The following GLI3 variants were observed in gnomAD, a reference collection of about 807,000 sequenced individuals.
GLI3 encodes the protein transcription activator GLI3.
In GLI3, 20 loss-of-function variants were observed where a neutral mutation model predicts 100.8. That is an observed-to-expected ratio of 0.20 (90% CI 0.14 to 0.29). GLI3 has a LOEUF of 0.29. Among genes scored for constraint, GLI3 ranks in the 10% least tolerant of loss-of-function variants. The pLI, the probability that GLI3 is intolerant of heterozygous loss-of-function variation, is 1.00. For synonymous variants in GLI3, 938 were observed against 860.5 expected (o/e 1.09, Z -1.58); for missense variants, 2,040 against 2,128.5 (o/e 0.96, Z 0.82).
intron 3 of GLI3, among the ~76,000 whole-genome samples, chr7:42,137,179 G>A (rs1329855845): frequency 6.6e-6 from 1 of 152,172 alleles, no homozygotes; most frequent in African/African-American, 2.4e-5. Flanking sequence ...GGTGCAGACA[G>A]AGAGCTTACT....
intron 1 of GLI3, among the ~76,000 whole-genome samples, chr7:42,230,099 G>A (rs28627440): frequency 1.9e-4 from 2 of 10,640 alleles, no homozygotes; most frequent in Non-Finnish European, 5.2e-4. Flanking sequence ...AGGGTTGGGC[G>A]GGGGGGGGGG....
chr7:42,095,206 C>T (rs966455823), intron 3 of GLI3, among the ~76,000 whole-genome samples: 1 of 152,168 alleles, frequency 6.6e-6, no homozygotes, highest in African/African-American at 2.4e-5. Context: ...AGGCTCCACC[C>T]CAGCAGTTTC....
rs1415911055 is a variant in GLI3 at position 41,964,053 on chromosome 7, C to T, written c.*277G>A. On this transcript the variant is annotated 3_prime_UTR_variant, in exon 15 of 15. Coordinates refer to ENST00000395925, the MANE Select transcript of GLI3 (RefSeq NM_000168.6). ...TTACATCGGTTTACTAAAAAGGGGG[C>T]GGGGCTTACAGTTTTTTTTTTTTTT... The T allele has an allele frequency of 1.7e-5, 5 of 301,260 alleles. No individual in the cohort carries two copies. Among genetic ancestry groups the T allele is most frequent in the East Asian group, 1.5e-4 (2 of 13,254 alleles). The allele number at this position is 301,260 out of a possible 1,614,324, so 18.7% of individuals were successfully genotyped here. A position where few individuals can be genotyped will look rare whatever the true frequency, so the allele number is the denominator to read the frequency against.
chr7:41,964,152 A>G lies in GLI3; in HGVS notation c.*178T>C. 1.7e-6 allele frequency: 1 copy of G among 595,960 alleles called. No individual in the cohort carries two copies. The highest frequency in any genetic ancestry group is 2.9e-5 in the East Asian group (1 of 34,730). The allele number at this position is 595,960 out of a possible 1,614,324, so 36.9% of individuals were successfully genotyped here. A position where few individuals can be genotyped will look rare whatever the true frequency, so the allele number is the denominator to read the frequency against. On this transcript the variant is annotated 3_prime_UTR_variant, in exon 15 of 15. Transcript: ENST00000395925. ...ATGGAAGACAGTTTCTCCCTAGAAT[A>G]CTTTAGGGTTTTTCAGAGTCCTTTT...
chr7:42,210,003 A>AAT (rs1788232744), intron 2 of GLI3, among the ~76,000 whole-genome samples: 1 of 149,314 alleles, frequency 6.7e-6, no homozygotes, highest in Non-Finnish European at 1.5e-5. Context: ...AAAAAAAAAA[A>AAT]AAAAAAAAAA....
intron 3 of GLI3, among the ~76,000 whole-genome samples, chr7:42,093,538 G>C (rs1347926840): frequency 1.3e-5 from 2 of 152,012 alleles, no homozygotes; most frequent in African/African-American, 2.4e-5. Flanking sequence ...ACTTAAATTT[G>C]GGTTTTCACA....
chr7:42,249,373 TTA>T (rs1268344432), intron 1 of GLI3, among the ~76,000 whole-genome samples: 1 of 152,210 alleles, frequency 6.6e-6, no homozygotes, highest in Non-Finnish European at 1.5e-5. Flanking sequence ...ATGTTATTCC[TTA>T]TCTGATTTTT....
chr7:42,130,129 C>T (rs1156598931), intron 3 of GLI3, among the ~76,000 whole-genome samples: 3 of 152,056 alleles, frequency 2.0e-5, no homozygotes, highest in Non-Finnish European at 4.4e-5. Flanking sequence ...CAAGCCATAC[C>T]GGTTCTTATA....
chr7:42,004,409 C>A (rs1312170122), intron 10 of GLI3, among the ~76,000 whole-genome samples: 1 of 151,866 alleles, frequency 6.6e-6, no homozygotes, highest in Non-Finnish European at 1.5e-5. Flanking sequence ...AATACAGAGG[C>A]ATGAGGAAAT....
At chr7:42,162,723 A>G (rs977279990) in intron 2 of GLI3, among the ~76,000 whole-genome samples, 18 of 152,180 alleles carry the variant, frequency 1.2e-4, no homozygotes, top group African/African-American at 3.9e-4. Context: ...GACCAGCTAG[A>G]AAACGAAACC....
chr7:42,247,691 G>A (rs976720503), intron 1 of GLI3, among the ~76,000 whole-genome samples: 2 of 152,202 alleles, frequency 1.3e-5, no homozygotes, highest in Non-Finnish European at 2.9e-5. Flanking sequence ...CCTGCCATGG[G>A]CAGAAGCTGC....
intron 7 of GLI3, among the ~76,000 whole-genome samples, chr7:42,033,910 C>A (rs758439173): frequency 6.6e-6 from 1 of 152,150 alleles, no homozygotes; most frequent in African/African-American, 2.4e-5. Context: ...ACACAAAGAC[C>A]CACATGCTCT....
At chr7:42,010,293 G>A (rs917992991) in intron 10 of GLI3, among the ~76,000 whole-genome samples, 4 of 152,190 alleles carry the variant, frequency 2.6e-5, no homozygotes, top group South Asian at 2.1e-4. Flanking sequence ...GTGAGGCTGC[G>A]GCTTAAAGTG....
At chr7:42,238,170 G>T (rs963706641), upstream of GLI3, among the ~76,000 whole-genome samples, 20 of 151,676 alleles carry the variant, frequency 1.3e-4, no homozygotes, top group African/African-American at 4.4e-4. Flanking sequence ...GGGCCCGGGC[G>T]TGATGTCACC....
In GLI3 at chr7:42,023,603, C is replaced by T; in HGVS notation, c.1362G>A (p.Gln454=). 6.3e-7 allele frequency: 1 copy of T among 1,575,506 alleles called. No homozygotes were observed. Among genetic ancestry groups the T allele is most frequent in the Non-Finnish European group, 8.7e-7 (1 of 1,147,326 alleles). ...PSPGARGQQE[Q]PEGTTLVKEE... The stretch of plus-strand genomic sequence containing the variant: ...CCTTGACAAGGGTTGTTCCTTCGGG[C>T]TGTTCCTGAAAGAAGAGGGTGGGGG... Residue 454 remains glutamine, a synonymous_variant, in exon 10 of 15, where the codon CAG becomes CAA. Transcript: ENST00000395925.
At chr7:42,205,934 C>A (rs747021043) in intron 2 of GLI3, among the ~76,000 whole-genome samples, 1 of 152,150 alleles carries the variant, frequency 6.6e-6, no homozygotes, top group Admixed American at 6.5e-5. Context: ...AATATAATTA[C>A]AATAAAGCCC....
intron 4 of GLI3, among the ~76,000 whole-genome samples, chr7:42,062,502 A>T (rs1784589393): frequency 6.6e-6 from 1 of 152,142 alleles, no homozygotes; most frequent in Admixed American, 6.6e-5. Flanking sequence ...ATGGTGATTG[A>T]TTAGAAGAAA....
upstream of GLI3, chr7:42,237,642 A>C: frequency 6.9e-6 from 1 of 145,270 alleles, no homozygotes; most frequent in African/African-American, 2.6e-5. Flanking sequence ...GCTCCCTCGC[A>C]CTCTCTCTTC....
chr7:42,216,541 AT>A (rs1788381661), intron 2 of GLI3, among the ~76,000 whole-genome samples: 1 of 152,230 alleles, frequency 6.6e-6, no homozygotes, highest in African/African-American at 2.4e-5. Context: ...AATGTACCAC[AT>A]TAATGTAAGA....
Sources: allele counts gnomAD v4.1 joint callset (sites outside exome capture counted in the v4.1 genomes callset), GRCh38; gene constraint gnomAD v4.1.1; transcripts MANE v1.5; gene names NCBI Gene and HGNC (gene_info 2026-07-23, HGNC 2026-07-21).